MACF1: variants seen among roughly 807,000 people sequenced by gnomAD.
MACF1 encodes the protein microtubule actin crosslinking factor 1, also known as microtubule-actin cross-linking factor 1.
A neutral mutation model predicts 854.8 loss-of-function variants in MACF1; 193 were observed. That is an observed-to-expected ratio of 0.23 (90% CI 0.20 to 0.25). The LOEUF (loss-of-function observed/expected upper bound fraction) is 0.25, where lower values mean the gene tolerates loss of function less well. Ranked by LOEUF, MACF1 falls within the 10% of genes least tolerant of loss-of-function variation. MACF1 has a pLI of 1.00. For missense variants in MACF1, 7,722 were observed against 8,929.1 expected (o/e 0.86, Z 5.45); for synonymous variants, 3,185 against 3,226.7 (o/e 0.99, Z 0.44).
chr1:39,477,088 T>TACAC (rs1201388658), intron 97 of MACF1, among the ~76,000 whole-genome samples: 40 of 15,888 alleles, frequency 2.5e-3, no homozygotes, highest in African/African-American at 4.0e-3. Context: ...TATATATATA[T>TACAC]ATACACACAC....
At chr1:39,103,334 T>C in intron 2 of MACF1, 1 of 296,686 alleles carries the variant, frequency 3.4e-6, no homozygotes, top group Non-Finnish European at 6.5e-6. Context: ...GGGACTTTTC[T>C]ATGTAGTGTA....
At chr1:39,369,998 T>C in intron 50 of MACF1, 32 bp from the exon 51 acceptor site, 1 of 1,591,286 alleles carries the variant, frequency 6.3e-7, no homozygotes, top group Non-Finnish European at 8.6e-7. Context: ...TAAAACTTAG[T>C]CTGGCAAGTA....
chr1:39,153,644 C>T (rs1643626835), intron 2 of MACF1, among the ~76,000 whole-genome samples: 1 of 152,076 alleles, frequency 6.6e-6, no homozygotes, highest in African/African-American at 2.4e-5. Flanking sequence ...TCTTCGTACC[C>T]TTTTTGCCAG....
intron 89 of MACF1, 121 bp from the exon 90 acceptor site, chr1:39,458,249 G>A: frequency 2.3e-6 from 2 of 858,016 alleles, no homozygotes; most frequent in Non-Finnish European, 3.6e-6. Flanking sequence ...TCAGGCACCA[G>A]CCTCCACACA....
intron 1 of MACF1, among the ~76,000 whole-genome samples, chr1:39,230,852 G>A (rs1266497092): frequency 6.6e-6 from 1 of 152,154 alleles, no homozygotes; most frequent in Non-Finnish European, 1.5e-5. Context: ...GTCTGTTGGT[G>A]GTATCACGGC....
At chr1:39,360,012 A>AAAAT (rs1557608845) in intron 47 of MACF1, among the ~76,000 whole-genome samples, 16 of 28,820 alleles carry the variant, frequency 5.6e-4, no homozygotes, top group Non-Finnish European at 9.6e-4. Context: ...AAAAAAAAAA[A>AAAAT]ATATATATAT....
At position 39,282,226 on chromosome 1, in the gene MACF1, A is replaced by G; in HGVS notation, c.547A>G (p.Ser183Gly). Reference sequence around the variant, plus strand: ...TTGGCAGATCTCTGACATCTACATTAGTGGAGAATCAGGGGATATGTCAGC... The same window carrying G: ...TTGGCAGATCTCTGACATCTACATTGGTGGAGAATCAGGGGATATGTCAGC... Reference protein sequence around the residue: ...LHFQISDIYISGESGDMSAKE... With the variant: ...LHFQISDIYIGGESGDMSAKE... Residue 183 changes from serine to glycine, a missense_variant, in exon 7 of 101, where the codon AGT (serine) becomes GGT (glycine). Ser to Gly is a moderately conservative substitution (Grantham distance 56, BLOSUM62 0). This residue lies in a region of MACF1 where 108 missense variants were observed against 196.4 expected (regional missense o/e 0.55). Coordinates refer to ENST00000564288, the MANE Select transcript of MACF1 (RefSeq NM_001394062.1). The G allele has an allele frequency of 6.2e-7, 1 of 1,613,980 alleles. No individual in the cohort carries two copies.
At chr1:39,209,382 A>G (rs1447967416) in intron 1 of MACF1, among the ~76,000 whole-genome samples, 1 of 152,198 alleles carries the variant, frequency 6.6e-6, no homozygotes, top group Admixed American at 6.5e-5. Flanking sequence ...GGTTAATTAG[A>G]TGATACAGAG....
rs781414996 is a variant in MACF1, at chr1:39,380,381, T to C, written c.13648+8T>C. On this transcript the variant is annotated splice_region_variant and intron_variant, in intron 55 of 100. Transcript: ENST00000564288. ...AAATTCAGGAAGAACTCAGTAAGTTTTCACAAGAGTGTTACAAATTTGCTA... is the reference window on the plus strand; with the variant it reads ...AAATTCAGGAAGAACTCAGTAAGTTCTCACAAGAGTGTTACAAATTTGCTA... The C allele has an allele frequency of 1.4e-5, 23 of 1,609,926 alleles. No individual in the cohort carries two copies. The highest frequency in any genetic ancestry group is 1.7e-5 in the Non-Finnish European group (20 of 1,178,544).
At chr1:39,135,068 T>C (rs1010973901) in intron 2 of MACF1, among the ~76,000 whole-genome samples, 15 of 152,238 alleles carry the variant, frequency 9.9e-5, no homozygotes, top group African/African-American at 3.6e-4. Flanking sequence ...GCTCATTTCA[T>C]GTAGCATAAT....
At chr1:39,242,862 T>C (rs953307552) in intron 2 of MACF1, among the ~76,000 whole-genome samples, 2 of 152,040 alleles carry the variant, frequency 1.3e-5, no homozygotes, top group African/African-American at 4.8e-5. Context: ...CTGGGTAACA[T>C]ACTGAGACAC....
At chr1:39,394,733 C>T (rs889583560) in intron 58 of MACF1, among the ~76,000 whole-genome samples, 3 of 152,240 alleles carry the variant, frequency 2.0e-5, no homozygotes, top group Non-Finnish European at 2.9e-5. Flanking sequence ...AGCTCATGTA[C>T]GTTTTTGGCA....
chr1:39,210,918 TCTCC>T (rs937271131), intron 1 of MACF1, among the ~76,000 whole-genome samples: 4 of 151,640 alleles, frequency 2.6e-5, no homozygotes, highest in Non-Finnish European at 4.4e-5. Flanking sequence ...TTTTCCCCTC[TCTCC>T]CTCCCTCCCT....
intron 66 of MACF1, among the ~76,000 whole-genome samples, chr1:39,431,625 G>A (rs1367735837): frequency 3.9e-5 from 6 of 152,206 alleles, no homozygotes; most frequent in Admixed American, 2.0e-4. Flanking sequence ...TGGGAGAAGC[G>A]TATTTTTAAA....
chr1:39,429,059 C>T (rs1401530345), intron 63 of MACF1, among the ~76,000 whole-genome samples, 183 bp from the exon 64 acceptor site: 2 of 152,152 alleles, frequency 1.3e-5, no homozygotes, highest in African/African-American at 4.8e-5. Flanking sequence ...CTATAGGTAT[C>T]TGATTTAATT....
intron 93 of MACF1, among the ~76,000 whole-genome samples, chr1:39,463,045 G>A (rs1276491290): frequency 6.6e-6 from 1 of 152,212 alleles, no homozygotes; most frequent in Non-Finnish European, 1.5e-5. Context: ...GAGTTTTGAA[G>A]CAGGAATAAA....
chr1:39,481,335 C>T (rs1645007792), intron 99 of MACF1, among the ~76,000 whole-genome samples: 1 of 152,330 alleles, frequency 6.6e-6, no homozygotes, highest in African/African-American at 2.4e-5. Context: ...CATTTATAAT[C>T]AGGCCTCTTG....
chr1:39,465,216 T>C (rs1644640668), intron 95 of MACF1, 104 bp downstream of exon 95: 1 of 1,187,992 alleles, frequency 8.4e-7, no homozygotes, highest in South Asian at 1.2e-5. Context: ...GAAGCATGCC[T>C]GGGTCGCACC....
chr1:39,196,834 G>C (rs1644325969), intron 2 of MACF1, among the ~76,000 whole-genome samples: 1 of 152,148 alleles, frequency 6.6e-6, no homozygotes, highest in Non-Finnish European at 1.5e-5. Context: ...AGTAATTCTG[G>C]GGTGTTGCCT....
Sources: allele counts gnomAD v4.1 joint callset (sites outside exome capture counted in the v4.1 genomes callset), GRCh38; gene constraint gnomAD v4.1.1; regional missense constraint gnomAD v4.1.1; transcripts MANE v1.5; gene names NCBI Gene and HGNC (gene_info 2026-07-23, HGNC 2026-07-21).